FAT3: variants seen among roughly 807,000 people sequenced by gnomAD.
FAT3 encodes the protein FAT atypical cadherin 3, also known as protocadherin Fat 3.
In FAT3, 95 loss-of-function variants were observed where a neutral mutation model predicts 310.2. The ratio of observed to expected loss-of-function variants is 0.31; its 90% confidence interval spans 0.26 to 0.36. The LOEUF (loss-of-function observed/expected upper bound fraction) is 0.36. Among genes scored for constraint, FAT3 ranks in the 10% least tolerant of loss-of-function variants. FAT3 has a pLI of 1.00. For synonymous variants in FAT3, 2,314 were observed against 2,192.9 expected (o/e 1.06, Z -1.54); for missense variants, 5,408 against 5,715.6 (o/e 0.95, Z 1.74).
At chr11:92,291,452 C>A (rs534620160) in intron 1 of FAT3, among the ~76,000 whole-genome samples, 1 of 152,236 alleles carries the variant, frequency 6.6e-6, no homozygotes, top group African/African-American at 2.4e-5. Context: ...TAACCCTCAG[C>A]TTTGGAGCCC....
At chr11:92,511,155 T>C (rs867998670) in intron 2 of FAT3, among the ~76,000 whole-genome samples, 14 of 152,346 alleles carry the variant, frequency 9.2e-5, no homozygotes, top group African/African-American at 3.1e-4. Context: ...ATGACTCCAT[T>C]TGCGTTCTAG....
intron 1 of FAT3, among the ~76,000 whole-genome samples, chr11:92,266,949 T>G (rs1265076003): frequency 1.3e-5 from 2 of 152,134 alleles, no homozygotes; most frequent in Non-Finnish European, 2.9e-5. Context: ...CATTAGCATG[T>G]GTCTGTGTGC....
intron 1 of FAT3, among the ~76,000 whole-genome samples, chr11:92,246,445 A>G (rs1864910385): frequency 6.6e-6 from 1 of 152,106 alleles, no homozygotes. Flanking sequence ...CTTCAAAGAA[A>G]CAGGACAGGA....
At chr11:92,579,381 G>C (rs1486178720) in intron 3 of FAT3, among the ~76,000 whole-genome samples, 1 of 152,060 alleles carries the variant, frequency 6.6e-6, no homozygotes, top group Non-Finnish European at 1.5e-5. Context: ...AGTGCCCAAG[G>C]GAGACCGTGA....
At chr11:92,759,641 G>A (rs1367411362) in intron 4 of FAT3, among the ~76,000 whole-genome samples, 2 of 152,088 alleles carry the variant, frequency 1.3e-5, no homozygotes, top group African/African-American at 4.8e-5. Flanking sequence ...GATGACGAGT[G>A]ACCCGCTATG....
At chr11:92,722,516 C>T (rs1944890399) in intron 4 of FAT3, among the ~76,000 whole-genome samples, 1 of 152,176 alleles carries the variant, frequency 6.6e-6, no homozygotes, top group South Asian at 2.1e-4. Context: ...GTGGATCTAC[C>T]ATTCTGGGGC....
At position 92,798,526 on chromosome 11, in the gene FAT3, A is replaced by G. The variant is rs528638747; in HGVS notation, c.5513A>G (p.Asn1838Ser). ...ACAGGTGCAATCAGAACAATTGCCA[A>G]CCTGGACCATGAAACCATTGCCCAT... ...SSTGAIRTIANLDHETIAHFH... is the reference protein window; with the variant it reads ...SSTGAIRTIASLDHETIAHFH... Residue 1838 changes from asparagine (N) to serine (S), a missense_variant, in exon 10 of 28, where the codon AAC becomes AGC. Asn to Ser is a conservative substitution (Grantham distance 46). This residue lies in a region of FAT3 where 4,588 missense variants were observed against 4,809.8 expected (regional missense o/e 0.95). Transcript: ENST00000525166. 1.2e-4 allele frequency: 200 copies of G among 1,613,852 alleles called. 2 individuals are homozygous for G. The South Asian group carries it at 2.1e-3, about 17-fold the overall frequency.
intron 2 of FAT3, among the ~76,000 whole-genome samples, chr11:92,463,200 G>C (rs1951677937): frequency 6.6e-6 from 1 of 152,200 alleles, no homozygotes; most frequent in Non-Finnish European, 1.5e-5. Context: ...GTGTGGTATT[G>C]ACCAATTTAT....
chr11:92,464,718 T>G (rs1204598841), intron 2 of FAT3, among the ~76,000 whole-genome samples: 1 of 152,220 alleles, frequency 6.6e-6, no homozygotes, highest in Non-Finnish European at 1.5e-5. Flanking sequence ...AAGGGCTTCT[T>G]AGAATGTACC....
At chr11:92,507,523 G>A (rs902761660) in intron 2 of FAT3, among the ~76,000 whole-genome samples, 3 of 151,528 alleles carry the variant, frequency 2.0e-5, no homozygotes, top group Non-Finnish European at 4.4e-5. Context: ...ATATACACAT[G>A]TATATATACA....
intron 3 of FAT3, among the ~76,000 whole-genome samples, chr11:92,556,132 C>T (rs1955010010): frequency 6.6e-6 from 1 of 152,192 alleles, no homozygotes; most frequent in South Asian, 2.1e-4. Context: ...TCATAGCCAA[C>T]TCAGTTTACT....
chr11:92,540,579 C>G (rs1002630765), intron 3 of FAT3, among the ~76,000 whole-genome samples: 1 of 152,156 alleles, frequency 6.6e-6, no homozygotes, highest in Non-Finnish European at 1.5e-5. Flanking sequence ...GAATGTTTCA[C>G]TATTGACCAT....
chr11:92,296,326 C>T (rs979484929), intron 1 of FAT3, among the ~76,000 whole-genome samples: 7 of 152,100 alleles, frequency 4.6e-5, no homozygotes, highest in African/African-American at 1.7e-4. Flanking sequence ...ATAACAGTAT[C>T]ATGACTCAGC....
intron 2 of FAT3, among the ~76,000 whole-genome samples, chr11:92,403,706 A>T (rs1199813635): frequency 6.6e-6 from 1 of 152,166 alleles, no homozygotes; most frequent in African/African-American, 2.4e-5. Flanking sequence ...CATTTGCTCC[A>T]TCAGCAGAGA....
chr11:92,706,177 G>A (rs768048684), intron 4 of FAT3, among the ~76,000 whole-genome samples: 2 of 152,000 alleles, frequency 1.3e-5, no homozygotes, highest in Non-Finnish European at 2.9e-5. Flanking sequence ...AACTGTCCAG[G>A]TTAGTATGGG....
chr11:92,511,371 C>T (rs995838208), intron 2 of FAT3, among the ~76,000 whole-genome samples: 27 of 152,086 alleles, frequency 1.8e-4, no homozygotes, highest in Middle Eastern at 3.4e-3. Context: ...ATCTGGTTGA[C>T]TCTTCTTTTT....
At chr11:92,599,487 A>G (rs545055896) in intron 3 of FAT3, among the ~76,000 whole-genome samples, 15 of 152,296 alleles carry the variant, frequency 9.8e-5, no homozygotes, top group African/African-American at 3.1e-4. Flanking sequence ...ACATTTAGGC[A>G]GAGACACAGC....
chr11:92,584,479 T>C lies in FAT3; in HGVS notation c.3607+59531T>C, dbSNP rs76980592. Among the ~76,000 whole-genome samples, 118 of 145,858 alleles carry C rather than the reference T, an allele frequency of 8.1e-4. 2 individuals are homozygous for C. The East Asian group carries it at 0.013, about 16-fold the overall frequency. On this transcript the variant is annotated intron_variant, in intron 3 of 27. Transcript: ENST00000525166. ...AAGAAAAATATTTGACAGCTTTTTT[T>C]CCCCCCCTTTTCATCTTATTGTCCA... is the stretch of plus-strand genomic sequence containing the variant.
rs1345815825 is a variant in FAT3, at chr11:92,798,591, C to T, written c.5578C>T (p.Gln1860Ter). Residue 1860 changes from glutamine (Q) to a stop codon, truncating the protein, a stop_gained, in exon 10 of 28, where the codon CAA becomes TAA. Transcript: ENST00000525166. LOFTEE classifies it high-confidence loss of function. ...GCATGTGAGAGACAGTGGTAGCCCC[C>T]AACTGACTGCAGAGAGTCCCGTTGA... ...HVHVRDSGSP[Q>*]LTAESPVEVN... 1 of 1,613,798 alleles carries T rather than the reference C, an allele frequency of 6.2e-7. No homozygotes were observed. The highest frequency in any genetic ancestry group is 1.7e-5 in the Admixed American group (1 of 59,998).
Sources: allele counts gnomAD v4.1 joint callset (sites outside exome capture counted in the v4.1 genomes callset), GRCh38; gene constraint gnomAD v4.1.1; regional missense constraint gnomAD v4.1.1; transcripts MANE v1.5; gene names NCBI Gene and HGNC (gene_info 2026-07-23, HGNC 2026-07-21).